Variants in EVL observed in about 807,000 individuals in gnomAD.
EVL encodes the protein ena/VASP-like protein.
EVL carries 21 observed loss-of-function variants against 59.6 expected under a neutral mutation model. The ratio of observed to expected loss-of-function variants is 0.35; its 90% CI spans 0.25 to 0.51. The LOEUF is 0.51. EVL is among the 20% of genes least tolerant of loss of function. EVL has a pLI of 0.97. For synonymous variants in EVL, 198 were observed against 203.5 expected (o/e 0.97, Z 0.23); for missense variants, 462 against 546.6 (o/e 0.85, Z 1.54).
chr14:100,014,214 C>T (rs1352398689), intron 1 of EVL, among the ~76,000 whole-genome samples: 1 of 152,156 alleles, frequency 6.6e-6, no homozygotes, highest in Non-Finnish European at 1.5e-5. Flanking sequence ...CAACCCTTCC[C>T]AGCCTCTGGT....
intron 1 of EVL, among the ~76,000 whole-genome samples, chr14:100,037,726 G>C (rs982179945): frequency 2.0e-5 from 3 of 152,210 alleles, no homozygotes; most frequent in African/African-American, 7.2e-5. Flanking sequence ...CGCTTCCCCA[G>C]AGCAGACATG....
At chr14:99,987,630 G>A (rs1203686216) in intron 1 of EVL, among the ~76,000 whole-genome samples, 2 of 152,148 alleles carry the variant, frequency 1.3e-5, no homozygotes, top group African/African-American at 2.4e-5. Flanking sequence ...TGACAGGAGC[G>A]AGACTCTATC....
rs1431660923 is a variant in EVL at position 100,127,216 on chromosome 14, C to T, written c.487+445C>T. ...GGTCAGGAAGACTTCCCACAGGAGGCGCTGCCACGCGTCTGTCTTGGACGT... is the reference window on the plus strand; with the variant it reads ...GGTCAGGAAGACTTCCCACAGGAGGTGCTGCCACGCGTCTGTCTTGGACGT... On this transcript the variant is annotated intron_variant, in intron 5 of 13. Coordinates refer to ENST00000392920, the MANE Select transcript of EVL (RefSeq NM_016337.3). This position sits in a 1 kb window ranked among gnomAD's most constrained non-coding sequence, Gnocchi z 4.2. Among the ~76,000 whole-genome samples the T allele has an allele frequency of 6.6e-6, 1 of 152,222 alleles. No homozygotes were observed. The highest frequency in any genetic ancestry group is 1.5e-5 in the Non-Finnish European group (1 of 68,052).
chr14:100,091,544 G>C (rs1286143257), intron 2 of EVL, among the ~76,000 whole-genome samples: 1 of 152,214 alleles, frequency 6.6e-6, no homozygotes, highest in Non-Finnish European at 1.5e-5. Flanking sequence ...TTCCTGGAGG[G>C]GGGGCAGGCC....
rs369557735 is a variant in EVL at position 100,076,902 on chromosome 14, A to G, written c.12-7785A>G. 5.3e-5 allele frequency among the ~76,000 whole-genome samples: 8 copies of G among 152,314 alleles called. No individual in the cohort carries two copies. In the East Asian group the frequency reaches 1.4e-3, roughly 26 times the overall value. On this transcript the variant is annotated intron_variant, in intron 1 of 13. Coordinates refer to ENST00000392920, the MANE Select transcript of EVL (RefSeq NM_016337.3). ...ACGATGACTCCCTTCCTCATGCCAC[A>G]TGGGGTCAGGTGCTGCTCCAAGTGC...
intron 3 of EVL, among the ~76,000 whole-genome samples, chr14:100,100,339 G>GCTCCTTTGCATGGT (rs1886127958): frequency 6.6e-6 from 1 of 152,278 alleles, no homozygotes; most frequent in Non-Finnish European, 1.5e-5. Flanking sequence ...CTCTGGTTCA[G>GCTCCTTTGCATGGT]CTGGTAGTGA....
intron 1 of EVL, among the ~76,000 whole-genome samples, chr14:99,978,524 T>C (rs1392412293): frequency 1.3e-5 from 2 of 152,266 alleles, no homozygotes; most frequent in African/African-American, 4.8e-5. Flanking sequence ...TTAAAATTGC[T>C]ACAGTTTAAC....
intron 1 of EVL, among the ~76,000 whole-genome samples, chr14:100,046,774 G>C (rs10162592): frequency 7.3e-6 from 1 of 136,532 alleles, no homozygotes; most frequent in African/African-American, 2.7e-5. Flanking sequence ...TTTTTTTGAG[G>C]AAGAGTCTTG....
intron 2 of EVL, among the ~76,000 whole-genome samples, chr14:100,089,531 T>C (rs2062518154): frequency 6.6e-6 from 1 of 152,210 alleles, no homozygotes; most frequent in Non-Finnish European, 1.5e-5. Context: ...GGATGAACCA[T>C]GAGACAGAAA....
chr14:100,125,150 A>ACACC lies in EVL; in HGVS notation c.422+1549_422+1550insACCC, dbSNP rs1555361572. Among the ~76,000 whole-genome samples, 33 of 128,350 alleles carry ACACC rather than the reference A, an allele frequency of 2.6e-4. 1 individual carries two copies. Among genetic ancestry groups the ACACC allele is most frequent in the African/African-American group, 8.3e-4 (23 of 27,708 alleles). The allele number at this position is 128,350 out of a possible 152,430, so 84.2% of individuals were successfully genotyped here. A position where few individuals can be genotyped will look rare whatever the true frequency, so the allele number is the denominator to read the frequency against. The stretch of plus-strand genomic sequence containing the variant: ...CACACACACACACACACACACACAC[A>ACACC]CCTGCCCCAAGGCAGGAATACACAC... On this transcript the variant is annotated intron_variant, in intron 4 of 13. Transcript: ENST00000392920.
intron 1 of EVL, among the ~76,000 whole-genome samples, chr14:100,082,987 G>T (rs557435547): frequency 6.6e-6 from 1 of 152,174 alleles, no homozygotes; most frequent in Non-Finnish European, 1.5e-5. Flanking sequence ...ACTGAAGGGC[G>T]TGCTTCCATG....
chr14:100,120,734 C>G (rs1017448686), intron 3 of EVL, among the ~76,000 whole-genome samples: 7 of 152,194 alleles, frequency 4.6e-5, no homozygotes, highest in Non-Finnish European at 8.8e-5. Flanking sequence ...GGGGCCTAGG[C>G]TGAAACCTTG....
At chr14:100,051,119 C>A (rs948620326) in intron 1 of EVL, among the ~76,000 whole-genome samples, 1 of 152,156 alleles carries the variant, frequency 6.6e-6, no homozygotes, top group Non-Finnish European at 1.5e-5. Context: ...TTTCAGTTAC[C>A]TGAGGTCAAC....
At chr14:100,138,137 C>T (rs1888930160) in intron 11 of EVL, 1 of 425,854 alleles carries the variant, frequency 2.3e-6, no homozygotes, top group African/African-American at 2.0e-5. Context: ...TTTCCCCCCA[C>T]AAAGTGAGGT....
intron 1 of EVL, among the ~76,000 whole-genome samples, chr14:99,983,456 A>G (rs1389696504): frequency 6.6e-6 from 1 of 152,172 alleles, no homozygotes; most frequent in East Asian, 1.9e-4. Flanking sequence ...TTATAGCTCT[A>G]AAGGTGTGTT....
At chr14:99,986,424 C>T (rs1380671862) in intron 1 of EVL, among the ~76,000 whole-genome samples, 2 of 152,054 alleles carry the variant, frequency 1.3e-5, no homozygotes, top group Non-Finnish European at 2.9e-5. Flanking sequence ...AAAATGCTCT[C>T]CTCAATTTGT....
chr14:100,084,072 GA>G (rs2062379382), intron 1 of EVL, among the ~76,000 whole-genome samples: 2 of 112,498 alleles, frequency 1.8e-5, no homozygotes, highest in African/African-American at 9.0e-5. Context: ...TTTTTTTTCC[GA>G]GACAGTTTCA....
intron 1 of EVL, among the ~76,000 whole-genome samples, chr14:100,070,729 T>A (rs1324182380): frequency 6.6e-6 from 1 of 152,204 alleles, no homozygotes; most frequent in Non-Finnish European, 1.5e-5. Flanking sequence ...TGTTGATTCA[T>A]CCTTGGAGCT....
At chr14:100,141,965 G>A in intron 13 of EVL, 172 bp downstream of exon 13, 1 of 542,750 alleles carries the variant, frequency 1.8e-6, no homozygotes, top group East Asian at 3.1e-5. Context: ...CAGGAAAGCT[G>A]AAAGCTAAGT....
Sources: gnomAD v4.1 joint callset for allele counts (sites outside exome capture counted in the v4.1 genomes callset) on GRCh38, gnomAD v4.1.1 for gene constraint, Gnocchi (gnomAD v3.1) non-coding constraint, MANE v1.5 for transcripts, NCBI Gene and HGNC (gene_info 2026-07-23, HGNC 2026-07-21) for gene names.